Variants in PTPRT observed in about 807,000 individuals in gnomAD.
PTPRT encodes receptor-type tyrosine-protein phosphatase T.
A neutral mutation model predicts 176.8 loss-of-function variants in PTPRT; 56 were observed. That is an observed-to-expected ratio of 0.32 (90% CI 0.26 to 0.40). The LOEUF is 0.40. Among genes scored for constraint, PTPRT ranks in the 10% least tolerant of loss-of-function variants. The pLI is 1.00. For missense variants in PTPRT, 1,540 were observed against 1,908.2 expected, an observed-to-expected ratio of 0.81 and a Z score of 3.60; for synonymous variants, 783 against 739.0, an observed-to-expected ratio of 1.06 and a Z score of -0.96.
intron 9 of PTPRT, among the ~76,000 whole-genome samples, chr20:42,355,960 T>C (rs1467479599): frequency 6.6e-6 from 1 of 152,208 alleles, no homozygotes; most frequent in Non-Finnish European, 1.5e-5. Flanking sequence ...CCTCACTTAC[T>C]TGTAATGAAA....
chr20:42,141,907 G>A lies in PTPRT; in HGVS notation c.2770+8C>T. 1 of 1,611,992 alleles carries A rather than the reference G, an allele frequency of 6.2e-7. No homozygotes were observed. Among genetic ancestry groups the A allele is most frequent in the Non-Finnish European group, 8.5e-7 (1 of 1,178,040 alleles). ...CTGAAGCTTAGGAGCTCCCAGAAGG[G>A]CACCTACAGGATATGATGTTCCCAT... is the stretch of plus-strand genomic sequence containing the variant. On this transcript the variant is annotated splice_region_variant and intron_variant, in intron 18 of 30. Transcript: ENST00000373187.
At chr20:42,222,450 C>T (rs953721267) in intron 15 of PTPRT, among the ~76,000 whole-genome samples, 2 of 152,196 alleles carry the variant, frequency 1.3e-5, no homozygotes, top group South Asian at 2.1e-4. Context: ...TCAGGTGATA[C>T]ACCCTCTCTC....
intron 1 of PTPRT, among the ~76,000 whole-genome samples, chr20:43,105,915 T>C (rs2012585682): frequency 6.6e-6 from 1 of 152,190 alleles, no homozygotes; most frequent in Non-Finnish European, 1.5e-5. Context: ...CTCAGATTAA[T>C]ACACTCTTCG....
intron 7 of PTPRT, among the ~76,000 whole-genome samples, chr20:42,616,950 C>T (rs1233128179): frequency 7.6e-6 from 1 of 132,282 alleles, no homozygotes; most frequent in Non-Finnish European, 1.6e-5. Context: ...TGCCTCATTG[C>T]CCTGGCCAGA....
chr20:42,120,904 G>A (rs866740227), intron 19 of PTPRT, among the ~76,000 whole-genome samples: 1 of 152,150 alleles, frequency 6.6e-6, no homozygotes, highest in Non-Finnish European at 1.5e-5. Context: ...CTATCAATTG[G>A]GAGATTGTTG....
chr20:42,989,195 C>T (rs1983758781), intron 1 of PTPRT, among the ~76,000 whole-genome samples: 1 of 152,222 alleles, frequency 6.6e-6, no homozygotes. Flanking sequence ...TGGGTTTGAA[C>T]TCTCAACTCC....
At chr20:42,793,258 G>A (rs778385935) in intron 2 of PTPRT, among the ~76,000 whole-genome samples, 5 of 152,062 alleles carry the variant, frequency 3.3e-5, no homozygotes, top group African/African-American at 1.2e-4. Flanking sequence ...GGCAGAGTCC[G>A]GGCTTTTAGT....
At chr20:43,018,824 G>C (rs1219225842) in intron 1 of PTPRT, among the ~76,000 whole-genome samples, 1 of 152,130 alleles carries the variant, frequency 6.6e-6, no homozygotes, top group African/African-American at 2.4e-5. Flanking sequence ...AGTTAGCAAA[G>C]CTTAAATATT....
chr20:42,055,207 TA>T, the PTPRT span, among the ~76,000 whole-genome samples: 3 of 152,256 alleles, frequency 2.0e-5, no homozygotes, highest in Admixed American at 6.5e-5. Context: ...GGTCACCTTT[TA>T]TTTTTTTATG....
intron 19 of PTPRT, among the ~76,000 whole-genome samples, chr20:42,121,696 TTTA>T (rs1028339255): frequency 4.1e-5 from 3 of 73,358 alleles, no homozygotes; most frequent in East Asian, 2.5e-4. Flanking sequence ...AAAGAAATTT[TTTA>T]TATATATATA....
intron 1 of PTPRT, among the ~76,000 whole-genome samples, chr20:43,103,361 G>C (rs551792934): frequency 6.6e-6 from 1 of 152,222 alleles, no homozygotes; most frequent in East Asian, 1.9e-4. Flanking sequence ...AGTACAATAG[G>C]AACCTACACT....
At chr20:42,803,480 G>C (rs1345941165) in intron 2 of PTPRT, among the ~76,000 whole-genome samples, 1 of 152,248 alleles carries the variant, frequency 6.6e-6, no homozygotes, top group Admixed American at 6.5e-5. Flanking sequence ...CTTTTCCCAA[G>C]AAGGGACAGG....
intron 2 of PTPRT, among the ~76,000 whole-genome samples, chr20:42,873,981 G>A (rs2078888314): frequency 6.6e-6 from 1 of 151,512 alleles, no homozygotes; most frequent in Non-Finnish European, 1.5e-5. Context: ...AAAGCATAAT[G>A]AAAACCTGTT....
chr20:42,115,334 C>T lies in PTPRT; in HGVS notation c.2983-19G>A, dbSNP rs192983568. The T allele has an allele frequency of 1.6e-5, 24 of 1,543,148 alleles. No homozygotes were observed. In the Admixed American group the frequency reaches 3.3e-4, roughly 21 times the overall value. ...ATTTCACCTGTGGCCAAGTGAGAGA[C>T]AGAGACAGAGACAGAACAGAGACAA... On this transcript the variant is annotated intron_variant, in intron 21 of 30. Transcript: ENST00000373187.
chr20:42,238,703 C>A (rs2056293456), intron 14 of PTPRT, among the ~76,000 whole-genome samples: 1 of 152,194 alleles, frequency 6.6e-6, no homozygotes, highest in Non-Finnish European at 1.5e-5. Flanking sequence ...ACATCTTGGG[C>A]AAGTAAGTTC....
intron 7 of PTPRT, among the ~76,000 whole-genome samples, chr20:42,674,366 T>G (rs2075463434): frequency 6.6e-6 from 1 of 152,212 alleles, no homozygotes; most frequent in Admixed American, 6.5e-5. Context: ...TTTCAACATG[T>G]AAAATCCATT....
At chr20:42,098,080 T>C (rs565526128) in intron 27 of PTPRT, among the ~76,000 whole-genome samples, 35 of 152,268 alleles carry the variant, frequency 2.3e-4, no homozygotes, top group African/African-American at 8.4e-4. Flanking sequence ...GGGCTGCAGG[T>C]GCTCAGTGCT....
chr20:42,245,915 A>C (rs1162096633), intron 14 of PTPRT, among the ~76,000 whole-genome samples: 1 of 152,174 alleles, frequency 6.6e-6, no homozygotes, highest in Non-Finnish European at 1.5e-5. Context: ...GGCAAGCTTA[A>C]GCCAGTGGAG....
At chr20:42,036,594 G>T in the PTPRT span, among the ~76,000 whole-genome samples, 1 of 152,168 alleles carries the variant, frequency 6.6e-6, no homozygotes, top group Admixed American at 6.5e-5. Context: ...GGGTTTAAAA[G>T]TCAGGAACTG....
Sources: gnomAD v4.1 joint callset for allele counts (sites outside exome capture counted in the v4.1 genomes callset) on GRCh38, gnomAD v4.1.1 for gene constraint, MANE v1.5 for transcripts, NCBI Gene and HGNC (gene_info 2026-07-23, HGNC 2026-07-21) for gene names.